Variants in ZNF654 observed in about 807,000 individuals in gnomAD.
The protein encoded by ZNF654 is zinc finger protein 654, also known as melanoma-associated antigen.
ZNF654 carries 19 observed loss-of-function variants against 95.3 expected under a neutral mutation model. The observed-to-expected ratio is 0.20, with a 90% CI of 0.14 to 0.29. ZNF654 has a LOEUF of 0.29. ZNF654 is among the 10% of genes least tolerant of loss of function. ZNF654 has a pLI of 1.00. For synonymous variants in ZNF654, 413 were observed against 457.9 expected (o/e 0.90, Z 1.25); for missense variants, 1,046 against 1,341.0 (o/e 0.78, Z 3.44).
At chr3:88,064,908 T>A (rs2107593419) in intron 1 of ZNF654, among the ~76,000 whole-genome samples, 1 of 152,350 alleles carries the variant, frequency 6.6e-6, no homozygotes, top group East Asian at 1.9e-4. Flanking sequence ...TGAGGATAAT[T>A]TGCAGTCACT....
intron 1 of ZNF654, among the ~76,000 whole-genome samples, chr3:88,085,426 T>C (rs1338459699): frequency 6.6e-6 from 1 of 152,100 alleles, no homozygotes; most frequent in Non-Finnish European, 1.5e-5. Context: ...CACAAAGTGA[T>C]TTTTTTTCCA....
rs540768054 is a variant in ZNF654 at position 88,125,324 on chromosome 3, G to T, written c.415-810G>T. Among the ~76,000 whole-genome samples, 92 of 151,946 alleles carry T rather than the reference G, an allele frequency of 6.1e-4. 1 individual carries two copies. Among genetic ancestry groups the T allele is most frequent in the African/African-American group, 2.2e-3 (90 of 41,454 alleles). ...TCTTATAAATCTAGATCTAATAAAT[G>T]AGATTTATATATTCAGTAAACTAAG... On this transcript the variant is annotated intron_variant, in intron 3 of 8. Coordinates refer to ENST00000636215, the MANE Select transcript of ZNF654 (RefSeq NM_001350134.2).
rs781631360 is a variant in ZNF654, at chr3:88,140,852, T to C, written c.3183T>C (p.Leu1061=). 9 of 1,613,546 alleles carry C rather than the reference T, an allele frequency of 5.6e-6. No homozygotes were observed. The South Asian group carries it at 7.7e-5, about 14-fold the overall frequency. ...LPPSYLDERY[L]SMPKRRKFLT... ...CCAGTTACCTTGATGAACGGTATCTTAGTATGCCAAAACGCAGAAAATTTC... is the reference window on the plus strand; with the variant it reads ...CCAGTTACCTTGATGAACGGTATCTCAGTATGCCAAAACGCAGAAAATTTC... The change falls in exon 8 of 9, where the codon CTT becomes CTC. Residue 1061 remains leucine, a synonymous_variant. Transcript: ENST00000636215.
intron 2 of ZNF654, among the ~76,000 whole-genome samples, chr3:88,087,750 A>G (rs1424742035): frequency 6.6e-6 from 1 of 151,834 alleles, no homozygotes; most frequent in Non-Finnish European, 1.5e-5. Flanking sequence ...TATGTGAAAC[A>G]TTTATTTAGG....
intron 1 of ZNF654, among the ~76,000 whole-genome samples, chr3:88,073,678 TG>T (rs1707638889): frequency 6.6e-6 from 1 of 152,172 alleles, no homozygotes; most frequent in African/African-American, 2.4e-5. Context: ...CAATAAATGG[TG>T]GGAGGAATAA....
At position 88,076,359 on chromosome 3, in the gene ZNF654, A is replaced by G. The variant is rs1456786368; in HGVS notation, c.187-9898A>G. ...CAGTCACCCTTCCTTTATTATGAGTAACATCTATAATTTTTTTTCCCCATT... is the reference window on the plus strand; with the variant it reads ...CAGTCACCCTTCCTTTATTATGAGTGACATCTATAATTTTTTTTCCCCATT... On this transcript the variant is annotated intron_variant, in intron 1 of 8. Transcript: ENST00000636215. 3.3e-5 allele frequency among the ~76,000 whole-genome samples: 5 copies of G among 152,090 alleles called. No individual in the cohort carries two copies. In the South Asian group the frequency reaches 6.2e-4, roughly 19 times the overall value.
chr3:88,079,629 A>G (rs892461864), intron 1 of ZNF654, among the ~76,000 whole-genome samples: 2 of 152,030 alleles, frequency 1.3e-5, no homozygotes, highest in Non-Finnish European at 2.9e-5. Flanking sequence ...TGATACTGTA[A>G]TGGGTATTTT....
chr3:88,077,857 G>GT (rs1707896636), intron 1 of ZNF654, among the ~76,000 whole-genome samples: 1 of 152,136 alleles, frequency 6.6e-6, no homozygotes, highest in African/African-American at 2.4e-5. Flanking sequence ...GTTTTTTAGT[G>GT]TAGAAGTAAT....
At chr3:88,066,449 C>T (rs1452934264) in intron 1 of ZNF654, among the ~76,000 whole-genome samples, 1 of 152,032 alleles carries the variant, frequency 6.6e-6, no homozygotes, top group Admixed American at 6.6e-5. Flanking sequence ...TGGCACACAC[C>T]TGTAGTCCCA....
At chr3:88,063,886 G>A (rs2567037) in intron 1 of ZNF654, among the ~76,000 whole-genome samples, 143,330 of 152,126 alleles carry the variant, frequency 0.94, 67,999 homozygotes, top group Non-Finnish European at 1. Context: ...CAACTATCAC[G>A]TCTGACTTCC....
chr3:88,117,025 T>G (rs993373213), intron 3 of ZNF654, among the ~76,000 whole-genome samples: 1 of 152,164 alleles, frequency 6.6e-6, no homozygotes, highest in Non-Finnish European at 1.5e-5. Context: ...ACGTTTTTGC[T>G]GAGGTTGAGT....
intron 2 of ZNF654, among the ~76,000 whole-genome samples, chr3:88,104,379 C>A (rs538281653): frequency 6.6e-6 from 1 of 152,182 alleles, no homozygotes; most frequent in Non-Finnish European, 1.5e-5. Flanking sequence ...ACCGTAGTGT[C>A]TCTGTAACTA....
intron 7 of ZNF654, among the ~76,000 whole-genome samples, chr3:88,136,441 A>T (rs1287913381): frequency 6.6e-6 from 1 of 152,204 alleles, no homozygotes. Flanking sequence ...TTGCCTCAGT[A>T]CTGTGAAGAG....
At chr3:88,122,672 A>G (rs567033629) in intron 3 of ZNF654, among the ~76,000 whole-genome samples, 70 of 152,278 alleles carry the variant, frequency 4.6e-4, no homozygotes, top group African/African-American at 1.4e-3. Flanking sequence ...GATTAAGTTG[A>G]TATAGAGGCA....
intron 1 of ZNF654, among the ~76,000 whole-genome samples, chr3:88,075,706 G>A (rs1404831200): frequency 6.6e-6 from 1 of 151,988 alleles, no homozygotes; most frequent in African/African-American, 2.4e-5. Flanking sequence ...TGGTTTTTGT[G>A]TTTGTTTACA....
intron 1 of ZNF654, among the ~76,000 whole-genome samples, chr3:88,066,587 A>ACC (rs200567944): frequency 8.6e-5 from 13 of 151,396 alleles, no homozygotes; most frequent in Admixed American, 2.0e-4. Context: ...AACAAAAAAA[A>ACC]CAAAAAAACC....
intron 3 of ZNF654, among the ~76,000 whole-genome samples, chr3:88,115,684 T>C (rs1576309554): frequency 6.6e-6 from 1 of 152,222 alleles, no homozygotes; most frequent in East Asian, 1.9e-4. Flanking sequence ...CCGTTATTTC[T>C]AGAAGAAACT....
intron 2 of ZNF654, among the ~76,000 whole-genome samples, chr3:88,093,391 A>G (rs752621217): frequency 2.6e-5 from 4 of 152,186 alleles, no homozygotes; most frequent in Non-Finnish European, 4.4e-5. Flanking sequence ...GTAAATGTTC[A>G]TAGATTTCAG....
intron 3 of ZNF654, among the ~76,000 whole-genome samples, chr3:88,117,658 A>G (rs1487514211): frequency 6.6e-6 from 1 of 152,218 alleles, no homozygotes; most frequent in African/African-American, 2.4e-5. Flanking sequence ...AGAATCCATT[A>G]ATGTCTAATG....
Sources: gnomAD v4.1 joint callset for allele counts (sites outside exome capture counted in the v4.1 genomes callset) on GRCh38, gnomAD v4.1.1 for gene constraint, MANE v1.5 for transcripts, NCBI Gene and HGNC (gene_info 2026-07-23, HGNC 2026-07-21) for gene names.